Variants in KCNMA1 observed in about 807,000 individuals in gnomAD.
The protein encoded by KCNMA1 is potassium calcium-activated channel subfamily M alpha 1.
KCNMA1 carries 29 observed loss-of-function variants against 140.0 expected under a neutral mutation model. The observed-to-expected ratio is 0.21, with a 90% CI of 0.15 to 0.28. The LOEUF (loss-of-function observed/expected upper bound fraction) is 0.28, where lower values mean the gene tolerates loss of function less well. KCNMA1 is among the 10% of genes least tolerant of loss of function. The pLI, the probability that KCNMA1 is intolerant of heterozygous loss-of-function variation, is 1.00. For missense variants in KCNMA1, 880 were observed against 1,602.2 expected (o/e 0.55, Z 7.70); for synonymous variants, 612 against 611.9 (o/e 1.00, Z 0.00).
At chr10:77,478,401 A>G (rs1275822567) in intron 1 of KCNMA1, among the ~76,000 whole-genome samples, 1 of 152,228 alleles carries the variant, frequency 6.6e-6, no homozygotes, top group East Asian at 1.9e-4. Context: ...TCAACACATC[A>G]TCTGTGCACC....
At chr10:77,418,245 A>G (rs2096785675) in intron 1 of KCNMA1, among the ~76,000 whole-genome samples, 1 of 152,152 alleles carries the variant, frequency 6.6e-6, no homozygotes, top group African/African-American at 2.4e-5. Context: ...AAGGATGGCA[A>G]GCGCCTGGCC....
chr10:77,347,443 C>T (rs2092332389), intron 2 of KCNMA1, among the ~76,000 whole-genome samples: 1 of 152,208 alleles, frequency 6.6e-6, no homozygotes, highest in Non-Finnish European at 1.5e-5. Flanking sequence ...TGGAAGGTGC[C>T]TCCTACCAAC....
intron 14 of KCNMA1, among the ~76,000 whole-genome samples, chr10:77,072,604 C>T (rs979645151): frequency 5.9e-5 from 9 of 152,068 alleles, no homozygotes; most frequent in East Asian, 1.9e-4. Flanking sequence ...CAAACAACCG[C>T]GGCATGTCAG....
intron 9 of KCNMA1, among the ~76,000 whole-genome samples, chr10:77,095,901 A>G (rs1417119421): frequency 6.6e-6 from 1 of 152,126 alleles, no homozygotes; most frequent in Non-Finnish European, 1.5e-5. Flanking sequence ...GCATCAAGAG[A>G]GCCACTGAAG....
At chr10:77,084,557 C>T in intron 12 of KCNMA1, 80 bp downstream of exon 12, 1 of 1,077,448 alleles carries the variant, frequency 9.3e-7, no homozygotes. Flanking sequence ...TAGAGATAGT[C>T]CTCTGCAGAA....
At chr10:77,469,374 GT>G (rs1356421298) in intron 1 of KCNMA1, among the ~76,000 whole-genome samples, 4 of 152,204 alleles carry the variant, frequency 2.6e-5, no homozygotes, top group Non-Finnish European at 5.9e-5. Context: ...ACTCTGGACA[GT>G]TTGCCTGGCC....
chr10:77,082,059 G>A (rs2096592262), intron 12 of KCNMA1, among the ~76,000 whole-genome samples: 1 of 122,066 alleles, frequency 8.2e-6, no homozygotes, highest in Non-Finnish European at 1.6e-5. Flanking sequence ...GAGCCTCGCT[G>A]GCTCTGTTGC....
intron 6 of KCNMA1, among the ~76,000 whole-genome samples, chr10:77,118,626 G>T (rs536414768): frequency 3.7e-4 from 56 of 152,100 alleles, no homozygotes; most frequent in African/African-American, 1.3e-3. Context: ...CCCCTCACAT[G>T]CCCAGCCCCA....
intron 2 of KCNMA1, among the ~76,000 whole-genome samples, chr10:77,318,415 T>C (rs777283914): frequency 6.6e-5 from 10 of 152,140 alleles, no homozygotes; most frequent in African/African-American, 1.2e-4. Context: ...CATGCCGCCA[T>C]GGACTGTGCT....
At chr10:77,178,287 G>A (rs1240627088) in intron 5 of KCNMA1, among the ~76,000 whole-genome samples, 1 of 152,162 alleles carries the variant, frequency 6.6e-6, no homozygotes, top group Admixed American at 6.5e-5. Context: ...CCCGGCATGT[G>A]TTCCTCTCAT....
At chr10:77,601,160 T>G (rs1163541450) in intron 1 of KCNMA1, among the ~76,000 whole-genome samples, 1 of 152,150 alleles carries the variant, frequency 6.6e-6, no homozygotes, top group African/African-American at 2.4e-5. Flanking sequence ...CATGATCTCC[T>G]TTGAGCTTCA....
At chr10:76,969,039 T>A (rs1208945184) in intron 20 of KCNMA1, among the ~76,000 whole-genome samples, 1 of 152,014 alleles carries the variant, frequency 6.6e-6, no homozygotes, top group Non-Finnish European at 1.5e-5. Flanking sequence ...GCAGTGCAAA[T>A]CTGAAATCAC....
chr10:77,263,258 T>C (rs1251246741), intron 2 of KCNMA1, among the ~76,000 whole-genome samples: 1 of 152,148 alleles, frequency 6.6e-6, no homozygotes, highest in African/African-American at 2.4e-5. Flanking sequence ...GCCACAGAGA[T>C]GTTATGTGTG....
chr10:76,905,500 G>A (rs564539273), intron 25 of KCNMA1, among the ~76,000 whole-genome samples: 2 of 152,278 alleles, frequency 1.3e-5, no homozygotes, highest in African/African-American at 2.4e-5. Context: ...TGTGGCCAGC[G>A]GCCTTGCCTT....
intron 12 of KCNMA1, 55 bp from the exon 13 acceptor site, chr10:77,079,605 C>A: frequency 1.7e-6 from 2 of 1,211,444 alleles, no homozygotes; most frequent in Non-Finnish European, 2.5e-6. Context: ...TGGTGTCTGA[C>A]AAAAAGATCA....
chr10:77,034,999 C>A (rs567250603), intron 15 of KCNMA1, among the ~76,000 whole-genome samples: 1 of 152,122 alleles, frequency 6.6e-6, no homozygotes, highest in African/African-American at 2.4e-5. Context: ...TCCAGCCCCT[C>A]CCCTCCCCTC....
chr10:77,463,540 T>C (rs2097918125), intron 1 of KCNMA1, among the ~76,000 whole-genome samples: 1 of 152,092 alleles, frequency 6.6e-6, no homozygotes, highest in South Asian at 2.1e-4. Flanking sequence ...GCTCTGCAAG[T>C]TAAGTAATTG....
At chr10:77,291,332 G>A (rs1359177921) in intron 2 of KCNMA1, among the ~76,000 whole-genome samples, 1 of 152,094 alleles carries the variant, frequency 6.6e-6, no homozygotes. Flanking sequence ...ACTTAAATGG[G>A]AAAAACTGTT....
At chr10:77,366,173 T>C (rs541094744) in intron 2 of KCNMA1, among the ~76,000 whole-genome samples, 2 of 152,020 alleles carry the variant, frequency 1.3e-5, no homozygotes, top group Non-Finnish European at 2.9e-5. Flanking sequence ...TTCCTTCCTT[T>C]CTTTCTATTT....
Sources: gnomAD v4.1 joint callset for allele counts (sites outside exome capture counted in the v4.1 genomes callset) on GRCh38, gnomAD v4.1.1 for gene constraint, MANE v1.5 for transcripts, NCBI Gene and HGNC (gene_info 2026-07-23, HGNC 2026-07-21) for gene names.